Variants in CHD1 observed in about 807,000 individuals in gnomAD.
The protein encoded by CHD1 is ATP-dependent chromatin remodeler CHD1.
In CHD1, 36 loss-of-function variants were observed where a neutral mutation model predicts 224.2. The observed-to-expected ratio is 0.16, with a 90% CI of 0.12 to 0.21. The LOEUF is 0.21. Ranked by LOEUF, CHD1 falls within the 10% of genes least tolerant of loss-of-function variation. The probability of loss-of-function intolerance (pLI) is 1.00; values close to 1 mark genes in which losing one functional copy is unlikely to be tolerated. For missense variants in CHD1, 1,378 were observed against 1,994.8 expected (o/e 0.69, Z 5.89); for synonymous variants, 668 against 658.3 (o/e 1.01, Z -0.23).
intron 19 of CHD1, 49 bp from the exon 20 acceptor site, chr5:98,882,172 TTGCTAACCTCAAG>T: frequency 6.5e-7 from 1 of 1,541,822 alleles, no homozygotes. Flanking sequence ...AGGATTTGTT[TTGCTAACCTCAAG>T]TGCCTAAACA....
chr5:98,903,924 A>C lies in CHD1; in HGVS notation c.256-16T>G. ...ATTTCCAAAACTATAATAGAAATAT[A>C]AACCAGTGAATGAAGAAGTATTAAG... On this transcript the variant is annotated splice_polypyrimidine_tract_variant and intron_variant, in intron 3 of 35. Transcript: ENST00000614616. 6.7e-7 allele frequency: 1 copy of C among 1,487,018 alleles called. No individual in the cohort carries two copies. Among genetic ancestry groups the C allele is most frequent in the East Asian group, 2.4e-5 (1 of 41,546 alleles). 92.1% of individuals were successfully genotyped at this position (1,487,018 alleles called of 1,614,324 possible).
intron 31 of CHD1, among the ~76,000 whole-genome samples, chr5:98,864,453 G>A (rs944485774): frequency 2.7e-5 from 4 of 148,918 alleles, no homozygotes; most frequent in East Asian, 2.0e-4. Context: ...GCTGAGGCGG[G>A]AGGATCACTT....
chr5:98,861,105 G>A (rs2112455237), intron 32 of CHD1, among the ~76,000 whole-genome samples: 1 of 152,272 alleles, frequency 6.6e-6, no homozygotes, highest in East Asian at 1.9e-4. Flanking sequence ...CAGAGCTGAG[G>A]CAAGCGTCAG....
intron 2 of CHD1, among the ~76,000 whole-genome samples, chr5:98,914,177 G>A (rs1026295433): frequency 7.2e-5 from 11 of 152,150 alleles, no homozygotes; most frequent in Non-Finnish European, 1.6e-4. Flanking sequence ...CCTTAAAAAT[G>A]AAGTGGCTTG....
intron 34 of CHD1, 70 bp from the exon 35 acceptor site, chr5:98,858,460 T>C (rs1748211781): frequency 1.6e-6 from 2 of 1,279,502 alleles, no homozygotes; most frequent in African/African-American, 3.0e-5. Context: ...AGTTGATAGA[T>C]AACAAGAATT....
At chr5:98,900,236 C>T (rs1427483413) in intron 7 of CHD1, among the ~76,000 whole-genome samples, 2 of 148,800 alleles carry the variant, frequency 1.3e-5, no homozygotes, top group Non-Finnish European at 1.5e-5. Flanking sequence ...GAGCTGAGAC[C>T]GTGCCACTGC....
chr5:98,874,250 A>G (rs1372785966), intron 25 of CHD1, among the ~76,000 whole-genome samples: 3 of 152,116 alleles, frequency 2.0e-5, no homozygotes, highest in Non-Finnish European at 4.4e-5. Context: ...GTCTTTGCTG[A>G]TCTATATTCA....
intron 29 of CHD1, 112 bp downstream of exon 29, chr5:98,870,575 A>C: frequency 1.9e-6 from 1 of 522,780 alleles, no homozygotes; most frequent in South Asian, 4.6e-5. Context: ...TAATTACAGA[A>C]AAATCCATTT....
rs1750845040 is a variant in CHD1, at chr5:98,889,203, T to C, written c.2216A>G (p.Lys739Arg). 1 of 1,603,124 alleles carries C rather than the reference T, an allele frequency of 6.2e-7. No individual in the cohort carries two copies. The highest frequency in any genetic ancestry group is 8.5e-7 in the Non-Finnish European group (1 of 1,175,558). The change falls in exon 16 of 36, where the codon AAA (lysine) becomes AGA (arginine). Residue 739 changes from lysine to arginine, a missense_variant. Transcript: ENST00000614616. ...GCCTGAGGTACTGCCCTTGGAACCT[T>C]TGCTGAGGGCTTTGTAATTCCTAGT... ...ILTRNYKALS[K>R]GSKGSTSGFL... is the part of the protein sequence containing the mutation.
chr5:98,888,313 C>A, intron 16 of CHD1, 73 bp from the exon 17 acceptor site: 2 of 1,024,352 alleles, frequency 2.0e-6, no homozygotes, highest in African/African-American at 1.7e-5. Context: ...ACTTTAGTTG[C>A]CTGAATTATT....
chr5:98,875,225 C>A, intron 24 of CHD1, 112 bp from the exon 25 acceptor site: 2 of 606,252 alleles, frequency 3.3e-6, no homozygotes, highest in South Asian at 2.4e-5. Flanking sequence ...AAATTCAAGG[C>A]ACTGTTATCT....
Position 98,892,539 on chromosome 5 carries a change from C to T in CHD1, c.2166G>A (p.Gln722=). ...GTACAGCTTACTTGTAATATTGTTT[C>T]TGTAAAGCACTCATTTCCATTCTTA... ...QILRMEMSAL[Q]KQYYKWILTR... Residue 722 remains glutamine, a synonymous_variant, in exon 15 of 36, where the codon CAG becomes CAA. Coordinates refer to ENST00000614616, the MANE Select transcript of CHD1 (RefSeq NM_001270.4). 1 of 1,612,826 alleles carries T rather than the reference C, an allele frequency of 6.2e-7. No homozygotes were observed. The highest frequency in any genetic ancestry group is 1.7e-5 in the Admixed American group (1 of 59,902).
chr5:98,915,221 G>C (rs1050302545), intron 2 of CHD1, among the ~76,000 whole-genome samples: 8 of 152,142 alleles, frequency 5.3e-5, no homozygotes, highest in African/African-American at 1.9e-4. Flanking sequence ...GTACAACTCT[G>C]AAAACCAGGT....
chr5:98,913,813 T>C (rs1227023642), intron 2 of CHD1, among the ~76,000 whole-genome samples: 1 of 152,222 alleles, frequency 6.6e-6, no homozygotes, highest in African/African-American at 2.4e-5. Flanking sequence ...GAGAAGGCTG[T>C]GTAAACAAAT....
chr5:98,910,891 T>G (rs1010449708), intron 2 of CHD1, among the ~76,000 whole-genome samples: 2 of 151,606 alleles, frequency 1.3e-5, no homozygotes, highest in Non-Finnish European at 1.5e-5. Flanking sequence ...CAAAAAAAAA[T>G]GGCCCTCTGC....
In CHD1 at chr5:98,869,787, C is replaced by T; in HGVS notation, c.4074G>A (p.Leu1358=). The T allele has an allele frequency of 6.2e-7, 1 of 1,613,246 alleles. No individual in the cohort carries two copies. Among genetic ancestry groups the T allele is most frequent in the Non-Finnish European group, 8.5e-7 (1 of 1,179,322 alleles). ...KEEIKSDSSP[L]PSEKSDEDDD... ...CATCTTCATCAGACTTCTCTGAAGGCAGAGGAGAAGAATCACTCTTTATTT... is the reference window on the plus strand; with the variant it reads ...CATCTTCATCAGACTTCTCTGAAGGTAGAGGAGAAGAATCACTCTTTATTT... Residue 1358 remains leucine, a synonymous_variant, in exon 30 of 36, where the codon CTG becomes CTA. Coordinates refer to ENST00000614616, the MANE Select transcript of CHD1 (RefSeq NM_001270.4).
rs1749208672 is a variant in CHD1 at position 98,869,935 on chromosome 5, A to T, written c.3979-53T>A. The stretch of plus-strand genomic sequence containing the variant: ...AATTCTACAGATTTCATTTTTAAAA[A>T]CTTCATAAACATTAAATCCAAGGGC... On this transcript the variant is annotated intron_variant, in intron 29 of 35. Coordinates refer to ENST00000614616, the MANE Select transcript of CHD1 (RefSeq NM_001270.4). 4 of 1,367,750 alleles carry T rather than the reference A, an allele frequency of 2.9e-6. No homozygotes were observed. The African/African-American group carries it at 4.4e-5, about 15-fold the overall frequency. The allele number at this position is 1,367,750 out of a possible 1,614,324, so 84.7% of individuals were successfully genotyped here.
chr5:98,896,388 C>A lies in CHD1; in HGVS notation c.1548G>T (p.Thr516=). The change falls in exon 12 of 36, where the codon ACG becomes ACT. Residue 516 remains threonine, a synonymous_variant. Coordinates refer to ENST00000614616, the MANE Select transcript of CHD1 (RefSeq NM_001270.4). The part of the protein sequence containing the change: ...DEMGLGKTIQ[T]ISFLNYLFHE... ...GAAACAAATAATTCAGAAATGAGAT[C>A]GTCTGTATTGTTTTTCCAAGGCCCA... 1.9e-6 allele frequency: 3 copies of A among 1,613,694 alleles called. No individual in the cohort carries two copies. The highest frequency in any genetic ancestry group is 2.5e-6 in the Non-Finnish European group (3 of 1,179,874).
chr5:98,897,372 T>C (rs1178100251), intron 10 of CHD1, 52 bp from the exon 11 acceptor site: 3 of 1,279,308 alleles, frequency 2.3e-6, no homozygotes, highest in Non-Finnish European at 2.2e-6. Flanking sequence ...TAAGAAATTA[T>C]ACTAAAAGAT....
Sources: allele counts gnomAD v4.1 joint callset (sites outside exome capture counted in the v4.1 genomes callset), GRCh38; gene constraint gnomAD v4.1.1; transcripts MANE v1.5; gene names NCBI Gene and HGNC (gene_info 2026-07-23, HGNC 2026-07-21).